Variants in OR1J2 observed in about 807,000 individuals in gnomAD.
OR1J2 encodes olfactory receptor family 1 subfamily J member 2.
For synonymous variants in OR1J2, 142 were observed against 99.7 expected, an observed-to-expected ratio of 1.42 and a Z score of -2.52; for missense variants, 304 against 246.1, an observed-to-expected ratio of 1.24 and a Z score of -1.57.
chr9:122,466,818 G>A, the OR1J2 span, among the ~76,000 whole-genome samples: 30 of 151,962 alleles, frequency 2.0e-4, no homozygotes, highest in East Asian at 4.4e-3. Flanking sequence ...CAAATTAGGA[G>A]TGTTTTTTTT....
At chr9:122,477,333 T>C in the OR1J2 span, 1 of 1,614,122 alleles carries the variant, frequency 6.2e-7, no homozygotes. Flanking sequence ...CTGTAAAGAT[T>C]GCTAACTGAT....
chr9:122,461,617 C>A, the OR1J2 span, among the ~76,000 whole-genome samples: 1 of 152,026 alleles, frequency 6.6e-6, no homozygotes, highest in Non-Finnish European at 1.5e-5. Context: ...TAGATTTTGT[C>A]ATATTATCAT....
At chr9:122,561,978 C>T in the OR1J2 span, among the ~76,000 whole-genome samples, 2 of 152,184 alleles carry the variant, frequency 1.3e-5, no homozygotes, top group Non-Finnish European at 2.9e-5. Flanking sequence ...TATGGCCACC[C>T]CTTCTACTAG....
At chr9:122,473,656 T>C in the OR1J2 span, among the ~76,000 whole-genome samples, 1 of 151,804 alleles carries the variant, frequency 6.6e-6, no homozygotes, top group African/African-American at 2.4e-5. Flanking sequence ...GTTTCTCTGT[T>C]GTCAATGCAT....
chr9:122,529,099 C>T, the OR1J2 span, among the ~76,000 whole-genome samples: 1 of 152,182 alleles, frequency 6.6e-6, no homozygotes, highest in South Asian at 2.1e-4. Context: ...TATCCCTGAA[C>T]CCTACACTGA....
chr9:122,534,352 T>C, the OR1J2 span, among the ~76,000 whole-genome samples: 6 of 152,172 alleles, frequency 3.9e-5, no homozygotes, highest in Non-Finnish European at 7.3e-5. Context: ...TTTTTTGACT[T>C]TTTAGGGTCT....
At chr9:122,503,334 C>G in the OR1J2 span, among the ~76,000 whole-genome samples, 1 of 152,192 alleles carries the variant, frequency 6.6e-6, no homozygotes, top group Non-Finnish European at 1.5e-5. Flanking sequence ...CATTTGGTCC[C>G]CCAGAAGAAT....
chr9:122,526,365 G>A, the OR1J2 span: 14 of 1,490,950 alleles, frequency 9.4e-6, no homozygotes, highest in Non-Finnish European at 1.2e-5. Context: ...CATCTAAGAG[G>A]AAACAATACT....
chr9:122,506,516 G>C (rs1219133917), upstream of OR1J2, among the ~76,000 whole-genome samples: 3 of 152,104 alleles, frequency 2.0e-5, no homozygotes, highest in African/African-American at 4.8e-5. Context: ...GAAATGTCTA[G>C]AATCTTGGAA....
chr9:122,480,370 AATAATACT>A, the OR1J2 span, among the ~76,000 whole-genome samples: 3 of 152,178 alleles, frequency 2.0e-5, no homozygotes, highest in African/African-American at 7.2e-5. Flanking sequence ...ATAAAGGAAA[AATAATACT>A]ATATCCCTAC....
At chr9:122,579,881 A>T in the OR1J2 span, among the ~76,000 whole-genome samples, 1 of 152,202 alleles carries the variant, frequency 6.6e-6, no homozygotes, top group Non-Finnish European at 1.5e-5. Flanking sequence ...AGGCTCTAGG[A>T]TGAGTCTCTA....
At chr9:122,511,790 G>A (rs191347585), downstream of OR1J2, 340 of 771,272 alleles carry the variant, frequency 4.4e-4, 3 homozygotes, top group East Asian at 5.1e-3. Context: ...TTTATCTCAT[G>A]TATTTGATTT....
upstream of OR1J2, among the ~76,000 whole-genome samples, chr9:122,506,165 AT>A (rs904655129): frequency 1.4e-3 from 213 of 151,780 alleles, 1 homozygote; most frequent in Non-Finnish European, 2.2e-3. Flanking sequence ...TGGAGTCAGT[AT>A]TTTTTTTAAC....
At chr9:122,470,716 G>A in the OR1J2 span, among the ~76,000 whole-genome samples, 2 of 152,176 alleles carry the variant, frequency 1.3e-5, no homozygotes, top group African/African-American at 4.8e-5. Flanking sequence ...GGGGAGGGAG[G>A]CTGTACCCTG....
chr9:122,483,395 T>C, the OR1J2 span, among the ~76,000 whole-genome samples: 1,508 of 152,336 alleles, frequency 9.9e-3, 10 homozygotes, highest in South Asian at 0.033. Context: ...AATTTATTTA[T>C]GTAATTCTAT....
chr9:122,566,613 A>C, the OR1J2 span, among the ~76,000 whole-genome samples: 11 of 152,182 alleles, frequency 7.2e-5, no homozygotes, highest in Admixed American at 2.0e-4. Flanking sequence ...TTCCCTATTG[A>C]AAAGGTTTTA....
At chr9:122,451,790 A>C in the OR1J2 span, among the ~76,000 whole-genome samples, 1 of 152,186 alleles carries the variant, frequency 6.6e-6, no homozygotes, top group Non-Finnish European at 1.5e-5. Context: ...CACATTTCCC[A>C]TAACTGGTGT....
chr9:122,553,699 C>T, the OR1J2 span: 4 of 1,614,110 alleles, frequency 2.5e-6, no homozygotes, highest in Non-Finnish European at 3.4e-6. Context: ...CTGATGCACA[C>T]ACTGTTGCTG....
chr9:122,544,987 C>G, the OR1J2 span, among the ~76,000 whole-genome samples: 1 of 151,910 alleles, frequency 6.6e-6, no homozygotes, highest in Admixed American at 6.6e-5. Context: ...AATAAATTTC[C>G]CTCTAAGCAC....
Sources: gnomAD v4.1 joint callset for allele counts (sites outside exome capture counted in the v4.1 genomes callset) on GRCh38, gnomAD v4.1.1 for gene constraint, MANE v1.5 for transcripts, NCBI Gene and HGNC (gene_info 2026-07-23, HGNC 2026-07-21) for gene names.